The following IMMT variants were observed in gnomAD, a reference collection of about 807,000 sequenced individuals.
The protein encoded by IMMT is MICOS complex subunit MIC60.
In IMMT, 40 loss-of-function variants were observed where a neutral mutation model predicts 92.7. The observed-to-expected ratio is 0.43, with a 90% CI of 0.34 to 0.56. The LOEUF (loss-of-function observed/expected upper bound fraction) is 0.56, where lower values mean the gene tolerates loss of function less well. IMMT is among the 20% of genes least tolerant of loss of function. The pLI is 0.03. For missense variants in IMMT, 831 were observed against 912.1 expected (o/e 0.91, Z 1.14); for synonymous variants, 322 against 336.1 (o/e 0.96, Z 0.46).
At chr2:86,148,730 C>CA (rs1008044298) in intron 12 of IMMT, among the ~76,000 whole-genome samples, 10 of 151,218 alleles carry the variant, frequency 6.6e-5, no homozygotes, top group Admixed American at 2.0e-4. Context: ...CAACATGGGC[C>CA]AAAAAAAACC....
chr2:86,150,854 A>G (rs1207752228), intron 12 of IMMT, among the ~76,000 whole-genome samples: 9 of 152,050 alleles, frequency 5.9e-5, no homozygotes, highest in African/African-American at 2.2e-4. Context: ...ATGAGGACCT[A>G]AGCTCCATTC....
intron 12 of IMMT, 35 bp downstream of exon 12, chr2:86,151,262 T>C (rs1386248890): frequency 4.6e-6 from 7 of 1,518,088 alleles, no homozygotes; most frequent in South Asian, 4.5e-5. Flanking sequence ...TTAGAGTCAC[T>C]TTAAATGTTA....
intron 1 of IMMT, 59 bp from the exon 2 acceptor site, chr2:86,181,431 G>T: frequency 2.6e-6 from 3 of 1,165,474 alleles, no homozygotes; most frequent in Non-Finnish European, 3.8e-6. Context: ...AAGCTTTTAG[G>T]GTTGGTAATA....
chr2:86,150,920 ATTT>A (rs35901635), intron 12 of IMMT, among the ~76,000 whole-genome samples: 212 of 145,498 alleles, frequency 1.5e-3, no homozygotes, highest in Middle Eastern at 3.5e-3. Context: ...GACTGTCAGT[ATTT>A]TTTTTTTTTT....
chr2:86,162,085 C>A lies in IMMT; in HGVS notation c.793-6G>T. ...GATTTCTTCTCGCCTGCAATCTAAA[C>A]AAAAAATTTTAATTATATAATAAAT... On this transcript the variant is annotated splice_polypyrimidine_tract_variant and splice_region_variant and intron_variant, in intron 7 of 14. Transcript: ENST00000410111. The A allele has an allele frequency of 6.5e-7, 1 of 1,539,090 alleles. No homozygotes were observed. The highest frequency in any genetic ancestry group is 8.7e-7 in the Non-Finnish European group (1 of 1,143,050).
chr2:86,167,381 G>C (rs1376632314), intron 6 of IMMT, among the ~76,000 whole-genome samples: 3 of 150,810 alleles, frequency 2.0e-5, no homozygotes, highest in Non-Finnish European at 4.4e-5. Context: ...CACCATGTTA[G>C]CCAGGATAGT....
intron 1 of IMMT, among the ~76,000 whole-genome samples, chr2:86,187,779 G>A (rs1482027153): frequency 6.6e-6 from 1 of 151,950 alleles, no homozygotes; most frequent in African/African-American, 2.4e-5. Context: ...GGGCGTGGTG[G>A]CGCATGCCTG....
intron 1 of IMMT, 41 bp downstream of exon 1, chr2:86,195,297 G>C (rs375892858): frequency 1.3e-6 from 2 of 1,517,452 alleles, no homozygotes; most frequent in African/African-American, 2.8e-5. Context: ...GACGGTTCTA[G>C]TTCAGCCTCC....
intron 14 of IMMT, among the ~76,000 whole-genome samples, chr2:86,145,319 A>G (rs997388130): frequency 2.0e-5 from 3 of 151,902 alleles, no homozygotes; most frequent in African/African-American, 7.3e-5. Context: ...ACATGGTGAA[A>G]CCCTGTGTCT....
intron 10 of IMMT, among the ~76,000 whole-genome samples, chr2:86,157,631 CA>C (rs1675938390): frequency 6.6e-6 from 1 of 151,720 alleles, no homozygotes; most frequent in Non-Finnish European, 1.5e-5. Flanking sequence ...ACTAAAAGTA[CA>C]AAAAAATTGG....
At chr2:86,151,574 T>C (rs761130965) in intron 11 of IMMT, 54 bp from the exon 12 acceptor site, 3 of 1,287,074 alleles carry the variant, frequency 2.3e-6, no homozygotes, top group Non-Finnish European at 3.4e-6. Flanking sequence ...TTATACCTCA[T>C]TACAAGGTAA....
At chr2:86,151,156 G>GATCC in intron 12 of IMMT, 141 bp downstream of exon 12, 1 of 692,354 alleles carries the variant, frequency 1.4e-6, no homozygotes, top group Non-Finnish European at 2.5e-6. Flanking sequence ...GACCACAAGG[G>GATCC]ATCCACCCAC....
chr2:86,182,598 C>A (rs781500146), intron 1 of IMMT, among the ~76,000 whole-genome samples: 2 of 152,122 alleles, frequency 1.3e-5, no homozygotes, highest in Non-Finnish European at 2.9e-5. Context: ...GGGAGGCTGG[C>A]GAGGGTGAGC....
chr2:86,162,704 C>T (rs1676383820), intron 7 of IMMT, among the ~76,000 whole-genome samples: 1 of 152,006 alleles, frequency 6.6e-6, no homozygotes, highest in East Asian at 1.9e-4. Context: ...ATTAGCTGGG[C>T]GTGGTGGCGG....
chr2:86,191,344 CAA>C (rs35278001), intron 1 of IMMT, among the ~76,000 whole-genome samples: 45 of 121,756 alleles, frequency 3.7e-4, no homozygotes, highest in Non-Finnish European at 3.2e-4. Context: ...GACCCTATCT[CAA>C]AAAAAAAAAA....
At chr2:86,175,826 T>C (rs1029121811) in intron 3 of IMMT, among the ~76,000 whole-genome samples, 4 of 151,826 alleles carry the variant, frequency 2.6e-5, no homozygotes, top group Non-Finnish European at 4.4e-5. Context: ...GAAGAGAACA[T>C]TAATAAGCGA....
rs74987684 is a variant in IMMT, at chr2:86,153,131, G to A, written c.1177+429C>T. 5.9e-3 allele frequency among the ~76,000 whole-genome samples: 899 copies of A among 152,252 alleles called. 12 individuals are homozygous for A. The highest frequency in any genetic ancestry group is 0.021 in the African/African-American group (856 of 41,544). ...TGAAAGTATTTACAAGTGAAAGAAT[G>A]TGATATTTGAGTCTGCTTTCTATAT... On this transcript the variant is annotated intron_variant, in intron 11 of 14. Coordinates refer to ENST00000410111, the MANE Select transcript of IMMT (RefSeq NM_006839.3).
rs369676899 is a variant in IMMT, at chr2:86,144,828, C to G, written c.1717G>C (p.Val573Leu). Residue 573 changes from valine (V) to leucine (L), a missense_variant, in exon 15 of 15, where the codon GTG becomes CTG. Coordinates refer to ENST00000410111, the MANE Select transcript of IMMT (RefSeq NM_006839.3). ...ARKAHQLWLS[V>L]EALKYSMKTS... ...TTCATGCTGTACTTTAATGCCTCCA[C>G]TGAAAGCCAGAGTTGGTGGGCTTTT... The G allele has an allele frequency of 9.8e-5, 158 of 1,611,262 alleles. 3 individuals carry two copies. In the South Asian group the frequency reaches 1.6e-3, roughly 17 times the overall value.
intron 8 of IMMT, among the ~76,000 whole-genome samples, chr2:86,160,847 C>A (rs1676218255): frequency 6.6e-6 from 1 of 152,216 alleles, no homozygotes; most frequent in African/African-American, 2.4e-5. Flanking sequence ...CCCAAACTGT[C>A]CCAGTAAAAT....
Sources: allele counts gnomAD v4.1 joint callset (sites outside exome capture counted in the v4.1 genomes callset), GRCh38; gene constraint gnomAD v4.1.1; transcripts MANE v1.5; gene names NCBI Gene and HGNC (gene_info 2026-07-23, HGNC 2026-07-21).